The following PACC1 variants were observed in gnomAD, a reference collection of about 807,000 sequenced individuals.
The protein encoded by PACC1 is proton activated chloride channel 1.
In PACC1, 34 loss-of-function variants were observed where a neutral mutation model predicts 39.7. The observed-to-expected ratio is 0.86, with a 90% CI of 0.65 to 1.14. The LOEUF is 1.14. PACC1 is among the 50% of genes most tolerant of loss of function. The pLI, the probability that PACC1 is intolerant of heterozygous loss-of-function variation, is 0.00. For missense variants in PACC1, 379 were observed against 436.4 expected (o/e 0.87, Z 1.17); for synonymous variants, 127 against 160.6 (o/e 0.79, Z 1.58).
intron 1 of PACC1, among the ~76,000 whole-genome samples, chr1:212,410,966 GCTCT>G (rs1201280356): frequency 6.6e-6 from 1 of 152,180 alleles, no homozygotes; most frequent in Non-Finnish European, 1.5e-5. Context: ...TACAAGGTGT[GCTCT>G]CTCTGTGTCT....
At chr1:212,414,255 G>A (rs1334001065) in intron 1 of PACC1, among the ~76,000 whole-genome samples, 2 of 152,190 alleles carry the variant, frequency 1.3e-5, no homozygotes, top group African/African-American at 2.4e-5. Context: ...CCAGCCGCGG[G>A]GACAGCGAGG....
intron 2 of PACC1, among the ~76,000 whole-genome samples, chr1:212,390,513 A>G (rs1482860319): frequency 3.3e-5 from 5 of 151,216 alleles, no homozygotes; most frequent in Admixed American, 2.6e-4. Flanking sequence ...TCCCAGCGAG[A>G]GAGATGCAGA....
chr1:212,369,250 AAAGT>A (rs1421601574), intron 7 of PACC1, among the ~76,000 whole-genome samples: 1 of 152,204 alleles, frequency 6.6e-6, no homozygotes, highest in Non-Finnish European at 1.5e-5. Context: ...ATAAAAATAA[AAAGT>A]AAGGAATTTA....
intron 6 of PACC1, among the ~76,000 whole-genome samples, chr1:212,377,077 A>G (rs997432498): frequency 2.6e-5 from 4 of 152,208 alleles, no homozygotes; most frequent in Admixed American, 6.5e-5. Flanking sequence ...CTGATCAAAA[A>G]GCTTTCAGCC....
At chr1:212,402,920 C>T (rs1661768844) in intron 2 of PACC1, among the ~76,000 whole-genome samples, 1 of 152,154 alleles carries the variant, frequency 6.6e-6, no homozygotes, top group Non-Finnish European at 1.5e-5. Flanking sequence ...TCCCAAAGTG[C>T]TGGAATTACA....
Position 212,387,058 on chromosome 1 carries a change from T to A in PACC1, c.176A>T (p.Lys59Met). ...ESASSSIRFS[K>M]ACLKNVFSVL... ...CGAGAAGACGTTCTTCAGGCAGGCC[T>A]TGCTGAAGCGGATGCTGCTGGAGGC... is the stretch of plus-strand genomic sequence containing the variant. The change falls in exon 3 of 8, where the codon AAG becomes ATG. Residue 59 changes from lysine to methionine, a missense_variant. Lys to Met is a moderately conservative substitution (Grantham distance 95). Transcript: ENST00000261455. The A allele has an allele frequency of 6.2e-7, 1 of 1,614,160 alleles. No homozygotes were observed. Among genetic ancestry groups the A allele is most frequent in the Non-Finnish European group, 8.5e-7 (1 of 1,180,034 alleles).
At chr1:212,374,852 A>C (rs1232186207) in intron 7 of PACC1, among the ~76,000 whole-genome samples, 1 of 152,206 alleles carries the variant, frequency 6.6e-6, no homozygotes, top group Admixed American at 6.5e-5. Context: ...CAATTTATTC[A>C]ACGAACATTA....
chr1:212,367,263 A>G lies in PACC1; in HGVS notation c.892-1887T>C, dbSNP rs568589903. 3.3e-5 allele frequency among the ~76,000 whole-genome samples: 5 copies of G among 152,328 alleles called. No homozygotes were observed. In the South Asian group the frequency reaches 1.0e-3, roughly 32 times the overall value. On this transcript the variant is annotated intron_variant, in intron 7 of 7. Coordinates refer to ENST00000261455, the MANE Select transcript of PACC1 (RefSeq NM_018252.3). ...ATCTGGTTTAGTATAATAACAGGAA[A>G]AGACACACTGAAGAAGAGTAGAAAG...
chr1:212,377,541 A>G, intron 6 of PACC1, 21 bp downstream of exon 6: 1 of 1,613,218 alleles, frequency 6.2e-7, no homozygotes, highest in South Asian at 1.1e-5. Context: ...AGCAGTTTCA[A>G]GCAAACCCAG....
intron 2 of PACC1, among the ~76,000 whole-genome samples, chr1:212,396,701 TAA>T (rs34222207): frequency 2.1e-5 from 2 of 95,438 alleles, no homozygotes; most frequent in Admixed American, 1.1e-4. Flanking sequence ...CAGGATAACT[TAA>T]AAAAAAAAAA....
At chr1:212,409,245 G>A (rs1200649592) in intron 2 of PACC1, among the ~76,000 whole-genome samples, 2 of 152,072 alleles carry the variant, frequency 1.3e-5, no homozygotes, top group African/African-American at 2.4e-5. Flanking sequence ...ACAAACAAAC[G>A]CACCATTCCA....
rs181472659 is a variant in PACC1, at chr1:212,399,594, C to T, written c.133+10831G>A. Among the ~76,000 whole-genome samples the T allele has an allele frequency of 4.6e-5, 7 of 151,914 alleles. No individual in the cohort carries two copies. In the South Asian group the frequency reaches 6.2e-4, roughly 14 times the overall value. On this transcript the variant is annotated intron_variant, in intron 2 of 7. Transcript: ENST00000261455. ...TCTCACTCTGTCACTCAGGCTGGAG[C>T]GCAGTGGCATGATTTTTGGCTCACT...
intron 2 of PACC1, among the ~76,000 whole-genome samples, chr1:212,390,147 G>A (rs1392255677): frequency 6.6e-6 from 1 of 152,088 alleles, no homozygotes; most frequent in African/African-American, 2.4e-5. Context: ...CTGAGGCCGG[G>A]GGTGTGGTGG....
rs12087727 is a variant in PACC1, at chr1:212,365,230, C to T, written c.1038G>A (p.Thr346=). Residue 346 remains threonine, a synonymous_variant, in exon 8 of 8, where the codon ACG becomes ACA. Transcript: ENST00000261455. ...KRYLKRRGQA[T]SHIS ...CGAGGTGACTTCAGCTTATGTGGCT[C>T]GTTGCCTGACCTCTTCTTTTAAGGT... 0.019 allele frequency: 29,867 copies of T among 1,613,316 alleles called. 4,053 individuals are homozygous for T. In the African/African-American group the frequency reaches 0.32, roughly 17 times the overall value.
chr1:212,402,871 C>T (rs1661767083), intron 2 of PACC1, among the ~76,000 whole-genome samples: 2 of 152,246 alleles, frequency 1.3e-5, no homozygotes, highest in South Asian at 4.2e-4. Flanking sequence ...TCAGGCTGGT[C>T]TCAAAATCCT....
At chr1:212,409,032 T>A (rs1367217303) in intron 2 of PACC1, among the ~76,000 whole-genome samples, 1 of 152,194 alleles carries the variant, frequency 6.6e-6, no homozygotes, top group Non-Finnish European at 1.5e-5. Flanking sequence ...GGAGTGCAAA[T>A]CCTATTGTAA....
intron 7 of PACC1, among the ~76,000 whole-genome samples, chr1:212,371,019 C>T (rs111910791): frequency 3.6e-4 from 54 of 151,746 alleles, no homozygotes; most frequent in South Asian, 1.0e-3. Context: ...AGGCTGAGGC[C>T]GGCAGATCAC....
At chr1:212,394,691 C>T (rs1473709006) in intron 2 of PACC1, among the ~76,000 whole-genome samples, 23 of 152,016 alleles carry the variant, frequency 1.5e-4, no homozygotes, top group African/African-American at 3.6e-4. Context: ...AAAACCCCAT[C>T]GTCTCAGCCC....
intron 7 of PACC1, among the ~76,000 whole-genome samples, chr1:212,370,859 G>A (rs1035134290): frequency 6.6e-6 from 1 of 152,100 alleles, no homozygotes; most frequent in Non-Finnish European, 1.5e-5. Context: ...ATAAGCTAAC[G>A]ATCACCTCAA....
Sources: allele counts gnomAD v4.1 joint callset (sites outside exome capture counted in the v4.1 genomes callset), GRCh38; gene constraint gnomAD v4.1.1; transcripts MANE v1.5; gene names NCBI Gene and HGNC (gene_info 2026-07-23, HGNC 2026-07-21).